Variants in ZNF174 observed in about 807,000 individuals in gnomAD.
The protein encoded by ZNF174 is AW-1.
In ZNF174, 30 loss-of-function variants were observed where a neutral mutation model predicts 38.7. That is an observed-to-expected ratio of 0.78 (90% confidence interval 0.58 to 1.05). ZNF174 has a LOEUF of 1.05. Among genes scored for constraint, ZNF174 ranks in the 50% least tolerant of loss-of-function variants. ZNF174 has a pLI of 0.00. For synonymous variants in ZNF174, 201 were observed against 181.7 expected (o/e 1.11, Z -0.86); for missense variants, 499 against 495.6 (o/e 1.01, Z -0.06).
chr16:3,408,643 C>T lies in ZNF174; in HGVS notation c.948C>T (p.His316=), dbSNP rs1365902298. The change falls in exon 3 of 3, where the codon CAC becomes CAT. Residue 316 remains histidine (H), a synonymous_variant. Coordinates refer to ENST00000268655, the MANE Select transcript of ZNF174 (RefSeq NM_003450.3). ...SLSNRLQHLG[H]QPTRSAKKPY... ...GCAACCGTTTGCAACATCTTGGTCA[C>T]CAGCCCACCCGCTCAGCAAAGAAAC... The T allele has an allele frequency of 2.5e-6, 4 of 1,614,042 alleles. No homozygotes were observed. The African/African-American group carries it at 4.0e-5, about 16-fold the overall frequency.
At chr16:3,404,953 C>T in intron 2 of ZNF174, 1 of 1,614,180 alleles carries the variant, frequency 6.2e-7, no homozygotes, top group Middle Eastern at 1.7e-4. Flanking sequence ...CACAGATGAA[C>T]TTCCATGCAA....
Position 3,404,277 on chromosome 16 carries a change from T to G in ZNF174, c.403-149T>G, listed in dbSNP as rs1161646372. On this transcript the variant is annotated intron_variant, in intron 1 of 2. Coordinates refer to ENST00000268655, the MANE Select transcript of ZNF174 (RefSeq NM_003450.3). Reference sequence around the variant, plus strand: ...CATTCTTCACGTTCTCCCCTTTACTTCCTTTGAGGGTTTCAGTGGTTTCTA... The same window carrying G: ...CATTCTTCACGTTCTCCCCTTTACTGCCTTTGAGGGTTTCAGTGGTTTCTA... 8 of 759,458 alleles carry G rather than the reference T, an allele frequency of 1.1e-5. No homozygotes were observed. The African/African-American group carries it at 1.4e-4, about 13-fold the overall frequency. The allele number at this position is 759,458 out of a possible 1,614,324, so 47.0% of individuals were successfully genotyped here. A position where few individuals can be genotyped will look rare whatever the true frequency, so the allele number is the denominator to read the frequency against.
chr16:3,408,656 T>G lies in ZNF174; in HGVS notation c.961T>G (p.Ser321Ala). 6.2e-7 allele frequency: 1 copy of G among 1,614,054 alleles called. No individual in the cohort carries two copies. Among genetic ancestry groups the G allele is most frequent in the East Asian group, 2.2e-5 (1 of 44,884 alleles). The part of the protein sequence containing the change: ...LQHLGHQPTR[S>A]AKKPYKCDDC... The stretch of plus-strand genomic sequence containing the variant: ...ACATCTTGGTCACCAGCCCACCCGC[T>G]CAGCAAAGAAACCCTACAAATGTGA... Residue 321 changes from serine to alanine, a missense_variant, in exon 3 of 3, where the codon TCA (serine) becomes GCA (alanine). Physicochemically the swap from Ser to Ala is moderately conservative, Grantham distance 99. Coordinates refer to ENST00000268655, the MANE Select transcript of ZNF174 (RefSeq NM_003450.3).
chr16:3,404,588 C>T lies in ZNF174; in HGVS notation c.565C>T (p.Pro189Ser), dbSNP rs1024263250. Residue 189 changes from proline (P) to serine (S), a missense_variant, in exon 2 of 3, where the codon CCC (proline) becomes TCC (serine). Coordinates refer to ENST00000268655, the MANE Select transcript of ZNF174 (RefSeq NM_003450.3). ...GGCAGGAGCTTATGACCGGCTGAGC[C>T]CCCATCATTGGGAGAAATCCCCACT... ...SQAGAYDRLS[P>S]HHWEKSPLLQ... 1.9e-6 allele frequency: 3 copies of T among 1,614,080 alleles called. No individual in the cohort carries two copies. The highest frequency in any genetic ancestry group is 2.5e-6 in the Non-Finnish European group (3 of 1,180,034).
chr16:3,405,707 T>G (rs528239302), intron 2 of ZNF174, among the ~76,000 whole-genome samples: 1 of 152,228 alleles, frequency 6.6e-6, no homozygotes, highest in African/African-American at 2.4e-5. Context: ...GAACATTTTA[T>G]ACAAATGGAA....
At position 3,409,175 on chromosome 16, in the gene ZNF174, T is replaced by C; in HGVS notation, c.*256T>C. 2.1e-6 allele frequency: 1 copy of C among 474,440 alleles called. No homozygotes were observed. Among genetic ancestry groups the C allele is most frequent in the Non-Finnish European group, 3.8e-6 (1 of 266,172 alleles). 29.4% of individuals were successfully genotyped at this position (474,440 alleles called of 1,614,324 possible). A position where few individuals can be genotyped will look rare whatever the true frequency, so the allele number is the denominator to read the frequency against. On this transcript the variant is annotated 3_prime_UTR_variant, in exon 3 of 3. Coordinates refer to ENST00000268655, the MANE Select transcript of ZNF174 (RefSeq NM_003450.3). ...TTAAGTCTCTGCAGAGAGCAAGGAG[T>C]AACTACTGAGAGAGAATCAGGACAA... is the stretch of plus-strand genomic sequence containing the variant.
intron 1 of ZNF174, among the ~76,000 whole-genome samples, chr16:3,402,688 G>C (rs1251740139): frequency 6.6e-6 from 1 of 151,996 alleles, no homozygotes; most frequent in African/African-American, 2.4e-5. Flanking sequence ...TCGATCTCCT[G>C]ACCTCGTGAT....
chr16:3,407,445 A>G (rs1470508442), intron 2 of ZNF174, among the ~76,000 whole-genome samples: 2 of 152,236 alleles, frequency 1.3e-5, no homozygotes, highest in African/African-American at 4.8e-5. Flanking sequence ...TGTCTTGTCA[A>G]AAAGCAATTG....
chr16:3,408,916 C>A lies in ZNF174; in HGVS notation c.1221C>A (p.Asp407Glu). 6.2e-7 allele frequency: 1 copy of A among 1,603,200 alleles called. No homozygotes were observed. Among genetic ancestry groups the A allele is most frequent in the Non-Finnish European group, 8.5e-7 (1 of 1,173,522 alleles). ...AGCATCACCGACTTCACCATGGGGA[C>A]TAAAAGGAGCACTCCATGCTTTAGA... is the stretch of plus-strand genomic sequence containing the variant. ...LHQHHRLHHG[D>E] Residue 407 changes from aspartate (D) to glutamate (E), a missense_variant, in exon 3 of 3, where the codon GAC becomes GAA. Physicochemically the swap from Asp to Glu is conservative, Grantham distance 45. Coordinates refer to ENST00000268655, the MANE Select transcript of ZNF174 (RefSeq NM_003450.3).
rs149749705 is a variant in ZNF174 at position 3,409,351 on chromosome 16, G to A, written c.*432G>A. 929 of 165,252 alleles carry A rather than the reference G, an allele frequency of 5.6e-3. 4 individuals carry two copies. Among genetic ancestry groups the A allele is most frequent in the Middle Eastern group, 0.016 (5 of 304 alleles). 10.2% of individuals were successfully genotyped at this position (165,252 alleles called of 1,614,324 possible). On this transcript the variant is annotated 3_prime_UTR_variant, in exon 3 of 3. Transcript: ENST00000268655. Reference sequence around the variant, plus strand: ...GAGCACACTTCTTTAATAAAGATGAGTGATCTACCAGAATTTCAAGGCAAA... The same window carrying A: ...GAGCACACTTCTTTAATAAAGATGAATGATCTACCAGAATTTCAAGGCAAA...
rs559241150 is a variant in ZNF174 at position 3,406,271 on chromosome 16, G to A, written c.625+1623G>A. On this transcript the variant is annotated intron_variant, in intron 2 of 2. Coordinates refer to ENST00000268655, the MANE Select transcript of ZNF174 (RefSeq NM_003450.3). ...TGCTGCTATAAATGTGTGTTTTTGT[G>A]TAGACATGTTTTCATTTCTCTTGAG... Among the ~76,000 whole-genome samples, 150 of 152,292 alleles carry A rather than the reference G, an allele frequency of 9.8e-4. 1 individual carries two copies. The highest frequency in any genetic ancestry group is 3.7e-3 in the South Asian group (18 of 4,834).
Position 3,402,424 on chromosome 16 carries a change from C to T in ZNF174, c.402+18C>T, listed in dbSNP as rs2033942840. 2.5e-6 allele frequency: 4 copies of T among 1,578,686 alleles called. No homozygotes were observed. The highest frequency in any genetic ancestry group is 2.2e-5 in the East Asian group (1 of 44,548). On this transcript the variant is annotated intron_variant, in intron 1 of 2. Transcript: ENST00000268655. The stretch of plus-strand genomic sequence containing the variant: ...AGCAGTGGGTAAGGAGGGTCCTCTC[C>T]CATCATCCTGGGGATTTCTTTTTCT...
Position 3,402,078 on chromosome 16 carries a change from C to A in ZNF174, c.74C>A (p.Ala25Asp). 1.2e-6 allele frequency: 2 copies of A among 1,614,124 alleles called. No individual in the cohort carries two copies. The change falls in exon 1 of 3, where the codon GCC (alanine) becomes GAC (aspartate). Residue 25 changes from alanine to aspartate, a missense_variant. Coordinates refer to ENST00000268655, the MANE Select transcript of ZNF174 (RefSeq NM_003450.3). ...ASSKQERHII[A>D]KLEEKRGPPL... ...TCCAAGCAAGAGAGACACATAATAG[C>A]CAAACTAGAAGAGAAACGGGGCCCT...
chr16:3,407,519 T>G (rs2034072025), intron 2 of ZNF174, among the ~76,000 whole-genome samples: 1 of 152,198 alleles, frequency 6.6e-6, no homozygotes, highest in Admixed American at 6.5e-5. Context: ...AAAAAAAAAT[T>G]TAAAATTAAG....
In ZNF174 at chr16:3,403,418, G is replaced by A. The variant is rs544709151; in HGVS notation, c.403-1008G>A. 7.6e-4 allele frequency among the ~76,000 whole-genome samples: 115 copies of A among 151,396 alleles called. 2 individuals carry two copies. The highest frequency in any genetic ancestry group is 5.5e-3 in the Admixed American group (84 of 15,242). On this transcript the variant is annotated intron_variant, in intron 1 of 2. Coordinates refer to ENST00000268655, the MANE Select transcript of ZNF174 (RefSeq NM_003450.3). ...ACTCCTGACCTCAAGTGATCCTCCCGCCTTGGCCTCTCAAAGTGCTGGGAT... is the reference window on the plus strand; with the variant it reads ...ACTCCTGACCTCAAGTGATCCTCCCACCTTGGCCTCTCAAAGTGCTGGGAT...
At position 3,408,647 on chromosome 16, in the gene ZNF174, C is replaced by T; in HGVS notation, c.952C>T (p.Pro318Ser). 6.2e-7 allele frequency: 1 copy of T among 1,614,140 alleles called. No homozygotes were observed. The highest frequency in any genetic ancestry group is 8.5e-7 in the Non-Finnish European group (1 of 1,180,024). Residue 318 changes from proline (P) to serine (S), a missense_variant, in exon 3 of 3, where the codon CCC (proline) becomes TCC (serine). Coordinates refer to ENST00000268655, the MANE Select transcript of ZNF174 (RefSeq NM_003450.3). ...CCGTTTGCAACATCTTGGTCACCAGCCCACCCGCTCAGCAAAGAAACCCTA... is the reference window on the plus strand; with the variant it reads ...CCGTTTGCAACATCTTGGTCACCAGTCCACCCGCTCAGCAAAGAAACCCTA... Reference protein sequence around the residue: ...SNRLQHLGHQPTRSAKKPYKC... With the variant: ...SNRLQHLGHQSTRSAKKPYKC...
chr16:3,401,931 A>G lies in ZNF174; in HGVS notation c.-74A>G, dbSNP rs2033916310. ...CGTTTCTAGAATCTTTCTAGTATTC[A>G]GAGACTTCTCCAGGGTCATGATCCC... On this transcript the variant is annotated 5_prime_UTR_variant, in exon 1 of 3. Coordinates refer to ENST00000268655, the MANE Select transcript of ZNF174 (RefSeq NM_003450.3). 2 of 1,543,154 alleles carry G rather than the reference A, an allele frequency of 1.3e-6. No homozygotes were observed. Among genetic ancestry groups the G allele is most frequent in the Admixed American group, 2.2e-5 (1 of 46,456 alleles).
At position 3,402,184 on chromosome 16, in the gene ZNF174, C is replaced by G; in HGVS notation, c.180C>G (p.Pro60=). 1.2e-6 allele frequency: 2 copies of G among 1,612,874 alleles called. No homozygotes were observed. The highest frequency in any genetic ancestry group is 1.7e-6 in the Non-Finnish European group (2 of 1,178,980). The change falls in exon 1 of 3, where the codon CCC becomes CCG. Residue 60 remains proline (P), a synonymous_variant. Transcript: ENST00000268655. The stretch of plus-strand genomic sequence containing the variant: ...TTTGTTATCAAGAGGTGTCTGGACC[C>G]CAAGAGGCTCTCTCCCAGCTCCGAC... ...RRFCYQEVSG[P]QEALSQLRQL...
Position 3,404,516 on chromosome 16 carries a change from A to G in ZNF174, c.493A>G (p.Thr165Ala), listed in dbSNP as rs780693744. The change falls in exon 2 of 3, where the codon ACT (threonine) becomes GCT (alanine). Residue 165 changes from threonine (T) to alanine (A), a missense_variant. Transcript: ENST00000268655. ...GGAACTGCCAGACTTTCAACCGCAG[A>G]CTCCTAGGAGAGATCTCAGGGAGAG... is the stretch of plus-strand genomic sequence containing the variant. ...EQELPDFQPQTPRRDLRESSP... is the reference protein window; with the variant it reads ...EQELPDFQPQAPRRDLRESSP... 29 of 1,613,380 alleles carry G rather than the reference A, an allele frequency of 1.8e-5. No individual in the cohort carries two copies. The East Asian group carries it at 6.5e-4, about 36-fold the overall frequency.
Sources: gnomAD v4.1 joint callset for allele counts (sites outside exome capture counted in the v4.1 genomes callset) on GRCh38, gnomAD v4.1.1 for gene constraint, MANE v1.5 for transcripts, NCBI Gene and HGNC (gene_info 2026-07-23, HGNC 2026-07-21) for gene names.